Variants in P3H2 observed in about 807,000 individuals in gnomAD.
The protein encoded by P3H2 is prolyl 3-hydroxylase 2.
In P3H2, 80 loss-of-function variants were observed where a neutral mutation model predicts 87.0. That is an observed-to-expected ratio of 0.92 (90% CI 0.77 to 1.11). P3H2 has a LOEUF of 1.11. Ranked by LOEUF, P3H2 falls within the 50% of genes least tolerant of loss-of-function variation. The pLI, the probability that P3H2 is intolerant of heterozygous loss-of-function variation, is 0.00. For missense variants in P3H2, 1,001 were observed against 923.9 expected, an observed-to-expected ratio of 1.08 and a Z score of -1.08; for synonymous variants, 367 against 359.3, an observed-to-expected ratio of 1.02 and a Z score of -0.24.
chr3:189,986,957 T>C, intron 5 of P3H2, 80 bp from the exon 6 acceptor site: 1 of 935,462 alleles, frequency 1.1e-6, no homozygotes, highest in East Asian at 2.4e-5. Flanking sequence ...GGTGGCAATA[T>C]TTTCATTAGA....
intron 1 of P3H2, among the ~76,000 whole-genome samples, chr3:190,043,026 A>G (rs946664668): frequency 1.3e-5 from 2 of 152,188 alleles, no homozygotes; most frequent in African/African-American, 2.4e-5. Context: ...ACAGAGTACC[A>G]TACATGGCCT....
chr3:190,121,032 A>C, upstream of P3H2: 1 of 410,952 alleles, frequency 2.4e-6, no homozygotes, highest in South Asian at 4.0e-5. Flanking sequence ...GGCACACTCC[A>C]GCGCCAGCCA....
At chr3:190,032,746 T>G (rs1052033777) in intron 1 of P3H2, among the ~76,000 whole-genome samples, 17 of 152,066 alleles carry the variant, frequency 1.1e-4, no homozygotes, top group Middle Eastern at 3.2e-3. Flanking sequence ...AGTTTTGGCT[T>G]TTTTGGTAGG....
intron 1 of P3H2, among the ~76,000 whole-genome samples, chr3:190,004,736 T>G (rs2108930257): frequency 6.6e-6 from 1 of 152,276 alleles, no homozygotes; most frequent in Non-Finnish European, 1.5e-5. Flanking sequence ...AGAGTTCCCC[T>G]TAATGAACTT....
chr3:189,971,706 T>C lies in P3H2; in HGVS notation c.1817+184A>G, dbSNP rs931415315. The C allele has an allele frequency of 2.9e-5, 17 of 593,658 alleles. No homozygotes were observed. The African/African-American group carries it at 3.0e-4, about 10-fold the overall frequency. 36.8% of individuals were successfully genotyped at this position (593,658 alleles called of 1,614,324 possible). The stretch of plus-strand genomic sequence containing the variant: ...AATGGGATGCAAACTGTGCACAATT[T>C]TTAAGATAAAAGTGAGATGATAATG... On this transcript the variant is annotated intron_variant, in intron 12 of 14. Transcript: ENST00000319332.
intron 1 of P3H2, among the ~76,000 whole-genome samples, chr3:190,051,696 T>C (rs142552961): frequency 3.9e-4 from 59 of 152,338 alleles, no homozygotes; most frequent in African/African-American, 1.4e-3. Context: ...AGAACAAACA[T>C]TACTTTCAAA....
intron 1 of P3H2, among the ~76,000 whole-genome samples, chr3:190,043,932 G>C (rs919243576): frequency 1.3e-5 from 2 of 152,118 alleles, no homozygotes; most frequent in Admixed American, 1.3e-4. Context: ...GAGTTTTATA[G>C]TGTTATTTGG....
chr3:190,038,205 C>T (rs1288954116), intron 1 of P3H2, among the ~76,000 whole-genome samples: 1 of 149,428 alleles, frequency 6.7e-6, no homozygotes, highest in East Asian at 2.0e-4. Flanking sequence ...CACTGCACTC[C>T]AGCCTGGGGC....
At chr3:190,077,661 A>G (rs1163289143) in intron 1 of P3H2, among the ~76,000 whole-genome samples, 1 of 152,190 alleles carries the variant, frequency 6.6e-6, no homozygotes, top group African/African-American at 2.4e-5. Context: ...TCATTGTGAG[A>G]CTCAAAAGAT....
At chr3:189,958,969 G>A (rs111907824) in intron 14 of P3H2, among the ~76,000 whole-genome samples, 1 of 151,952 alleles carries the variant, frequency 6.6e-6, no homozygotes, top group Non-Finnish European at 1.5e-5. Flanking sequence ...GATTACAGGA[G>A]TGAGCCACTG....
intron 1 of P3H2, among the ~76,000 whole-genome samples, chr3:190,096,051 T>C (rs1023402567): frequency 4.6e-5 from 7 of 152,170 alleles, no homozygotes; most frequent in African/African-American, 1.7e-4. Flanking sequence ...ATGTAGTCCT[T>C]TAACTGATTA....
intron 1 of P3H2, among the ~76,000 whole-genome samples, chr3:190,008,689 T>G (rs1724470860): frequency 6.6e-6 from 1 of 152,194 alleles, no homozygotes; most frequent in Non-Finnish European, 1.5e-5. Flanking sequence ...AGTCCTGCTT[T>G]GTCTGCAGAG....
At chr3:189,987,346 G>T (rs908913785) in intron 5 of P3H2, among the ~76,000 whole-genome samples, 181 bp downstream of exon 5, 8 of 152,084 alleles carry the variant, frequency 5.3e-5, no homozygotes, top group African/African-American at 1.7e-4. Context: ...GGGTGTGGTG[G>T]CATGTGCCTG....
chr3:190,010,829 C>T (rs1240313759), intron 1 of P3H2, among the ~76,000 whole-genome samples: 1 of 152,176 alleles, frequency 6.6e-6, no homozygotes, highest in Non-Finnish European at 1.5e-5. Context: ...ACTTTAAACT[C>T]ATTTCTGTCT....
In P3H2 at chr3:190,065,847, T is replaced by A. The variant is rs1324012508; in HGVS notation, c.480+54405A>T. 3.3e-5 allele frequency among the ~76,000 whole-genome samples: 5 copies of A among 152,258 alleles called. 1 individual carries two copies. The South Asian group carries it at 6.2e-4, about 19-fold the overall frequency. ...TTTTTGATGTGGACATTTAAGGCTA[T>A]GAACTTTCCCCTTAGTACCGCCTTT... On this transcript the variant is annotated intron_variant, in intron 1 of 14. Transcript: ENST00000319332.
chr3:189,992,605 T>C (rs1453664322), intron 3 of P3H2, among the ~76,000 whole-genome samples: 3 of 152,246 alleles, frequency 2.0e-5, no homozygotes, highest in Non-Finnish European at 2.9e-5. Context: ...CTTAAAAGTA[T>C]AGATTCTAGA....
chr3:190,094,916 T>C (rs1251264254), intron 1 of P3H2, among the ~76,000 whole-genome samples: 1 of 152,114 alleles, frequency 6.6e-6, no homozygotes, highest in Non-Finnish European at 1.5e-5. Flanking sequence ...TGACTGATCA[T>C]CCATGATTAT....
intron 1 of P3H2, among the ~76,000 whole-genome samples, chr3:190,071,984 T>TTG: frequency 6.7e-6 from 1 of 149,850 alleles, no homozygotes; most frequent in Non-Finnish European, 1.5e-5. Flanking sequence ...AAGGGTTTTT[T>TTG]TTTTTTTTTT....
chr3:189,995,245 A>G, intron 2 of P3H2, 45 bp downstream of exon 2: 2 of 1,600,076 alleles, frequency 1.2e-6, no homozygotes, highest in Non-Finnish European at 8.6e-7. Flanking sequence ...GAAACTTAGG[A>G]GCACTTAGCT....
Sources: gnomAD v4.1 joint callset for allele counts (sites outside exome capture counted in the v4.1 genomes callset) on GRCh38, gnomAD v4.1.1 for gene constraint, MANE v1.5 for transcripts, NCBI Gene and HGNC (gene_info 2026-07-23, HGNC 2026-07-21) for gene names.